The following GABRA1 variants were observed in gnomAD, a reference collection of about 807,000 sequenced individuals.
The protein encoded by GABRA1 is gamma-aminobutyric acid type A receptor subunit alpha1.
GABRA1 carries 9 observed loss-of-function variants against 48.9 expected under a neutral mutation model. The ratio of observed to expected loss-of-function variants is 0.18; its 90% CI spans 0.11 to 0.32. The LOEUF is 0.32. Ranked by LOEUF, GABRA1 falls within the 10% of genes least tolerant of loss-of-function variation. The probability of loss-of-function intolerance (pLI) is 1.00; values close to 1 mark genes in which losing one functional copy is unlikely to be tolerated. For missense variants in GABRA1, 285 were observed against 553.8 expected, an observed-to-expected ratio of 0.51 and a Z score of 4.87; for synonymous variants, 210 against 198.7, an observed-to-expected ratio of 1.06 and a Z score of -0.48.
At chr5:161,875,296 G>A (rs1164061359) in intron 5 of GABRA1, among the ~76,000 whole-genome samples, 5 of 152,096 alleles carry the variant, frequency 3.3e-5, no homozygotes, top group Non-Finnish European at 1.5e-5. Flanking sequence ...ATTAATGGTC[G>A]TTTTGGAAAA....
At chr5:161,863,508 G>C (rs1261970698) in intron 3 of GABRA1, among the ~76,000 whole-genome samples, 1 of 151,990 alleles carries the variant, frequency 6.6e-6, no homozygotes, top group Admixed American at 6.6e-5. Flanking sequence ...TGAACTCAGA[G>C]ATAGAGAGCT....
At chr5:161,884,091 A>G (rs569934528) in intron 7 of GABRA1, among the ~76,000 whole-genome samples, 1 of 152,216 alleles carries the variant, frequency 6.6e-6, no homozygotes, top group African/African-American at 2.4e-5. Context: ...TTTTGTATTA[A>G]AGATGAAATA....
In GABRA1 at chr5:161,890,917, C is replaced by A. The variant is rs2113446356; in HGVS notation, c.723C>A (p.Thr241=). The change falls in exon 8 of 10, where the codon ACC becomes ACA. Residue 241 remains threonine (T), a synonymous_variant. Transcript: ENST00000393943. ...TCTCAGGAGAATATGTTGTTATGACCACTCATTTCCACTTGAAGAGAAAGA... is the reference window on the plus strand; with the variant it reads ...TCTCAGGAGAATATGTTGTTATGACAACTCATTTCCACTTGAAGAGAAAGA... ...QSSTGEYVVM[T]THFHLKRKIG... is the part of the protein sequence containing the mutation. 6.2e-7 allele frequency: 1 copy of A among 1,613,218 alleles called. No individual in the cohort carries two copies. The highest frequency in any genetic ancestry group is 1.7e-5 in the Admixed American group (1 of 59,996).
chr5:161,887,500 A>T (rs1437578335), intron 7 of GABRA1, among the ~76,000 whole-genome samples: 3 of 152,136 alleles, frequency 2.0e-5, no homozygotes, highest in Non-Finnish European at 2.9e-5. Flanking sequence ...TCAAATGAAG[A>T]CATGGTCCCA....
At chr5:161,886,767 A>C (rs1017305233) in intron 7 of GABRA1, among the ~76,000 whole-genome samples, 1 of 152,158 alleles carries the variant, frequency 6.6e-6, no homozygotes, top group African/African-American at 2.4e-5. Context: ...ACAGAGTGAG[A>C]CCCTGTCTCA....
intron 4 of GABRA1, among the ~76,000 whole-genome samples, chr5:161,869,888 G>T (rs1406026018): frequency 6.6e-6 from 1 of 152,044 alleles, no homozygotes; most frequent in Non-Finnish European, 1.5e-5. Flanking sequence ...AGTTAACTTG[G>T]TTTCGGCCAC....
In GABRA1 at chr5:161,868,012, C is replaced by A. The variant is rs183982721; in HGVS notation, c.255+2224C>A. Among the ~76,000 whole-genome samples, 375 of 151,264 alleles carry A rather than the reference C, an allele frequency of 2.5e-3. 1 individual carries two copies. The highest frequency in any genetic ancestry group is 4.2e-3 in the Non-Finnish European group (283 of 67,826). On this transcript the variant is annotated intron_variant, in intron 4 of 9. Coordinates refer to ENST00000393943, the MANE Select transcript of GABRA1 (RefSeq NM_001127644.2). ...ATTTTAGAGTAAATGTTAAATTACT[C>A]TTTTCTTGGTGATAGGTTTAGGAGC... is the stretch of plus-strand genomic sequence containing the variant.
At position 161,897,398 on chromosome 5, in the gene GABRA1, A is replaced by G. The variant is rs746560774; in HGVS notation, c.1347A>G (p.Leu449=). The G allele has an allele frequency of 1.2e-6, 2 of 1,614,100 alleles. No individual in the cohort carries two copies. Among genetic ancestry groups the G allele is most frequent in the Non-Finnish European group, 1.7e-6 (2 of 1,179,928 alleles). Residue 449 remains leucine, a synonymous_variant, in exon 10 of 10, where the codon CTA becomes CTG. Transcript: ENST00000393943. The part of the protein sequence containing the change: ...WATYLNREPQ[L]KAPTPHQ ...CGTATTTAAACAGAGAGCCTCAGCT[A>G]AAAGCCCCCACACCACATCAATAGA... is the stretch of plus-strand genomic sequence containing the variant.
At chr5:161,877,835 G>T (rs1018964765) in intron 6 of GABRA1, among the ~76,000 whole-genome samples, 3 of 152,070 alleles carry the variant, frequency 2.0e-5, no homozygotes, top group East Asian at 3.9e-4. Flanking sequence ...TCTTTTCTTT[G>T]CTTGGATTAC....
chr5:161,869,424 T>C (rs185920502), intron 4 of GABRA1, among the ~76,000 whole-genome samples: 322 of 152,206 alleles, frequency 2.1e-3, no homozygotes, highest in Non-Finnish European at 3.4e-3. Flanking sequence ...CCCTAGAGAC[T>C]CCATAGCTCC....
chr5:161,890,727 T>A (rs1473063187), intron 7 of GABRA1, among the ~76,000 whole-genome samples, 171 bp from the exon 8 acceptor site: 1 of 152,168 alleles, frequency 6.6e-6, no homozygotes, highest in Non-Finnish European at 1.5e-5. Context: ...TACTGTGTGT[T>A]AAGTATGTCT....
intron 3 of GABRA1, among the ~76,000 whole-genome samples, chr5:161,864,090 G>T (rs968273064): frequency 6.6e-6 from 1 of 151,964 alleles, no homozygotes; most frequent in African/African-American, 2.4e-5. Flanking sequence ...ATAAGGAGGG[G>T]TTTATTTTCA....
chr5:161,872,961 T>G lies in GABRA1; in HGVS notation c.256-156T>G. ...ACACCAACCAGTGATTCTCCTGACA[T>G]CAACATGTACATGCTATCACACGTT... On this transcript the variant is annotated intron_variant, in intron 4 of 9. Transcript: ENST00000393943. 4 of 664,336 alleles carry G rather than the reference T, an allele frequency of 6.0e-6. No individual in the cohort carries two copies. The South Asian group carries it at 7.0e-5, about 12-fold the overall frequency. 41.2% of individuals were successfully genotyped at this position (664,336 alleles called of 1,614,324 possible).
chr5:161,883,790 T>G (rs1193755610), intron 7 of GABRA1, among the ~76,000 whole-genome samples: 2 of 152,176 alleles, frequency 1.3e-5, no homozygotes, highest in Non-Finnish European at 2.9e-5. Context: ...TTGCTATGAT[T>G]ATTAGACAAG....
intron 8 of GABRA1, among the ~76,000 whole-genome samples, chr5:161,893,048 TAA>T (rs3078113): frequency 7.0e-6 from 1 of 142,010 alleles, no homozygotes; most frequent in East Asian, 2.0e-4. Flanking sequence ...ATAATAATAA[TAA>T]AATAAACACA....
At chr5:161,868,540 C>T (rs1247270283) in intron 4 of GABRA1, among the ~76,000 whole-genome samples, 1 of 152,020 alleles carries the variant, frequency 6.6e-6, no homozygotes, top group Non-Finnish European at 1.5e-5. Flanking sequence ...ATGAAAACAT[C>T]AAGAGAGGGC....
chr5:161,849,063 A>C, intron 1 of GABRA1: 1 of 436,600 alleles, frequency 2.3e-6, no homozygotes, highest in South Asian at 1.6e-5. Flanking sequence ...TGTCTGGGGG[A>C]GGGGGAGGTT....
rs529846224 is a variant in GABRA1 at position 161,854,285 on chromosome 5, T to C, written c.187+15T>C. 2 of 1,356,952 alleles carry C rather than the reference T, an allele frequency of 1.5e-6. No homozygotes were observed. The highest frequency in any genetic ancestry group is 2.3e-5 in the South Asian group (2 of 85,790). 84.1% of individuals were successfully genotyped at this position (1,356,952 alleles called of 1,614,324 possible). ...AGGATTGGGAGGTAGGTTGCATTAT[T>C]GTATTTTTGTTTTAGAGAATAATAT... On this transcript the variant is annotated intron_variant, in intron 3 of 9. Transcript: ENST00000393943.
At chr5:161,871,903 G>A (rs1754137455) in intron 4 of GABRA1, among the ~76,000 whole-genome samples, 1 of 152,190 alleles carries the variant, frequency 6.6e-6, no homozygotes, top group Admixed American at 6.5e-5. Context: ...TAAGGGCTCA[G>A]TAATGCCAAA....
Sources: gnomAD v4.1 joint callset for allele counts (sites outside exome capture counted in the v4.1 genomes callset) on GRCh38, gnomAD v4.1.1 for gene constraint, MANE v1.5 for transcripts, NCBI Gene and HGNC (gene_info 2026-07-23, HGNC 2026-07-21) for gene names.